Variants in PACRG observed in about 807,000 individuals in gnomAD.
The protein encoded by PACRG is parkin coregulated gene protein.
In PACRG, 29 loss-of-function variants were observed where a neutral mutation model predicts 29.7. The ratio of observed to expected loss-of-function variants is 0.98; its 90% CI spans 0.73 to 1.33. PACRG has a LOEUF of 1.33. PACRG is among the 40% of genes most tolerant of loss of function. The pLI, the probability that PACRG is intolerant of heterozygous loss-of-function variation, is 0.00. For synonymous variants in PACRG, 116 were observed against 118.7 expected (o/e 0.98, Z 0.15); for missense variants, 279 against 316.2 (o/e 0.88, Z 0.89).
chr6:163,300,346 G>C (rs1198449695), intron 4 of PACRG, among the ~76,000 whole-genome samples: 1 of 152,250 alleles, frequency 6.6e-6, no homozygotes, highest in African/African-American at 2.4e-5. Flanking sequence ...CCATGGCGCT[G>C]AAGAGTCTGG....
chr6:163,050,203 CTGTT>C (rs1809852925), intron 2 of PACRG, among the ~76,000 whole-genome samples: 1 of 152,130 alleles, frequency 6.6e-6, no homozygotes, highest in African/African-American at 2.4e-5. Flanking sequence ...AAAGCTGGTA[CTGTT>C]TTTTTCATTC....
chr6:163,270,461 C>T (rs1479192920), intron 4 of PACRG, among the ~76,000 whole-genome samples: 1 of 152,046 alleles, frequency 6.6e-6, no homozygotes, highest in African/African-American at 2.4e-5. Flanking sequence ...GTCTCAAACT[C>T]CTGGGATCAA....
At chr6:162,746,644 A>C (rs1001698610) in intron 1 of PACRG, among the ~76,000 whole-genome samples, 2 of 152,228 alleles carry the variant, frequency 1.3e-5, no homozygotes, top group Non-Finnish European at 2.9e-5. Context: ...CATACAAAGA[A>C]TGAAGCATAA....
chr6:163,109,240 C>A (rs557377436), intron 4 of PACRG, among the ~76,000 whole-genome samples: 1 of 152,304 alleles, frequency 6.6e-6, no homozygotes, highest in East Asian at 1.9e-4. Context: ...TTCCCTTGCT[C>A]CCCAAAAGTC....
intron 4 of PACRG, among the ~76,000 whole-genome samples, chr6:163,292,276 A>G (rs1310026759): frequency 1.3e-5 from 2 of 152,088 alleles, no homozygotes; most frequent in African/African-American, 4.8e-5. Flanking sequence ...GCAAGACCCA[A>G]CTCTTTTGGT....
intron 4 of PACRG, among the ~76,000 whole-genome samples, chr6:163,276,640 A>T (rs1401507407): frequency 6.6e-6 from 1 of 152,214 alleles, no homozygotes; most frequent in Non-Finnish European, 1.5e-5. Flanking sequence ...AACGCAAAGT[A>T]TTAAGAAGTG....
intron 2 of PACRG, among the ~76,000 whole-genome samples, chr6:162,842,503 A>G (rs961750223): frequency 6.6e-6 from 1 of 152,004 alleles, no homozygotes; most frequent in East Asian, 1.9e-4. Context: ...TGGACATGAG[A>G]TGGGTTTCCT....
chr6:163,156,883 C>T (rs1006815414), intron 4 of PACRG, among the ~76,000 whole-genome samples: 1 of 152,168 alleles, frequency 6.6e-6, no homozygotes, highest in Non-Finnish European at 1.5e-5. Context: ...TCTTGTGCCT[C>T]ACTCTGCCAG....
intron 4 of PACRG, among the ~76,000 whole-genome samples, chr6:163,156,532 G>A (rs1778325934): frequency 6.6e-6 from 1 of 152,092 alleles, no homozygotes; most frequent in African/African-American, 2.4e-5. Context: ...CCACTGAGGA[G>A]CTCTCTCCTT....
chr6:163,142,855 C>T (rs1190385504), intron 4 of PACRG, among the ~76,000 whole-genome samples: 2 of 152,152 alleles, frequency 1.3e-5, no homozygotes, highest in Admixed American at 6.5e-5. Flanking sequence ...ACAAACCCAA[C>T]TGAAGAAATT....
chr6:162,989,753 T>C (rs1803262265), intron 2 of PACRG, among the ~76,000 whole-genome samples: 1 of 151,726 alleles, frequency 6.6e-6, no homozygotes, highest in South Asian at 2.1e-4. Flanking sequence ...TTTTTTTTAT[T>C]ATACTTTAAG....
chr6:162,897,186 A>C (rs886478431), intron 2 of PACRG, among the ~76,000 whole-genome samples: 5 of 152,214 alleles, frequency 3.3e-5, no homozygotes, highest in African/African-American at 1.2e-4. Flanking sequence ...GGAATTCCCC[A>C]AAAAATGTGC....
intron 2 of PACRG, among the ~76,000 whole-genome samples, chr6:162,829,762 G>C (rs1788589603): frequency 6.6e-6 from 1 of 152,164 alleles, no homozygotes; most frequent in Non-Finnish European, 1.5e-5. Flanking sequence ...TCACATATGA[G>C]GGTCTTATGA....
intron 1 of PACRG, among the ~76,000 whole-genome samples, chr6:162,751,277 CAAA>C (rs1265037513): frequency 2.6e-5 from 4 of 151,700 alleles, no homozygotes; most frequent in Admixed American, 1.3e-4. Flanking sequence ...AATAAAAAAT[CAAA>C]GAAGAAAAAA....
intron 3 of PACRG, among the ~76,000 whole-genome samples, chr6:163,064,606 T>C (rs1219033585): frequency 2.6e-5 from 4 of 152,238 alleles, no homozygotes; most frequent in African/African-American, 7.2e-5. Context: ...TGATTACTTA[T>C]GTAAGGTCAT....
At chr6:163,100,468 G>T (rs1474552673) in intron 4 of PACRG, among the ~76,000 whole-genome samples, 1 of 152,266 alleles carries the variant, frequency 6.6e-6, no homozygotes, top group South Asian at 2.1e-4. Flanking sequence ...CAGCTGCCAG[G>T]TCAGGAGCAG....
At position 163,084,609 on chromosome 6, in the gene PACRG, G is replaced by C. The variant is rs146132394; in HGVS notation, c.464-4650G>C. Among the ~76,000 whole-genome samples, 588 of 152,194 alleles carry C rather than the reference G, an allele frequency of 3.9e-3. 4 individuals carry two copies. The highest frequency in any genetic ancestry group is 0.013 in the African/African-American group (545 of 41,518). ...ATTTTAGATGCCATTACGCGTTACAGTTCAGGCATTTTACTTCTTGGTCAC... is the reference window on the plus strand; with the variant it reads ...ATTTTAGATGCCATTACGCGTTACACTTCAGGCATTTTACTTCTTGGTCAC... On this transcript the variant is annotated intron_variant, in intron 3 of 4. Coordinates refer to ENST00000366888, the MANE Select transcript of PACRG (RefSeq NM_001080379.2).
chr6:162,924,245 G>A (rs1797265056), intron 2 of PACRG, among the ~76,000 whole-genome samples: 1 of 151,992 alleles, frequency 6.6e-6, no homozygotes, highest in Non-Finnish European at 1.5e-5. Context: ...TTTGCATCCT[G>A]TGCCTTTACT....
intron 3 of PACRG, among the ~76,000 whole-genome samples, chr6:163,081,925 C>A (rs1322704505): frequency 6.6e-6 from 1 of 151,740 alleles, no homozygotes; most frequent in African/African-American, 2.4e-5. Context: ...TGTCACCTGA[C>A]CAAAAAAGGA....
Sources: gnomAD v4.1 joint callset for allele counts (sites outside exome capture counted in the v4.1 genomes callset) on GRCh38, gnomAD v4.1.1 for gene constraint, MANE v1.5 for transcripts, NCBI Gene and HGNC (gene_info 2026-07-23, HGNC 2026-07-21) for gene names.